The following DDC variants were observed in gnomAD, a reference collection of about 807,000 sequenced individuals.
The protein encoded by DDC is dopa decarboxylase.
DDC carries 43 observed loss-of-function variants against 60.0 expected under a neutral mutation model. The ratio of observed to expected loss-of-function variants is 0.72; its 90% CI spans 0.56 to 0.92. The LOEUF (loss-of-function observed/expected upper bound fraction) is 0.92. Among genes scored for constraint, DDC ranks in the 40% least tolerant of loss-of-function variants. The probability of loss-of-function intolerance (pLI) is 0.00; values close to 1 mark genes in which losing one functional copy is unlikely to be tolerated. For synonymous variants in DDC, 232 were observed against 234.6 expected, an observed-to-expected ratio of 0.99 and a Z score of 0.10; for missense variants, 573 against 620.2, an observed-to-expected ratio of 0.92 and a Z score of 0.81.
intron 12 of DDC, among the ~76,000 whole-genome samples, chr7:50,467,566 A>G (rs1331612649): frequency 6.6e-6 from 1 of 152,168 alleles, no homozygotes; most frequent in Non-Finnish European, 1.5e-5. Flanking sequence ...GACTATTCTT[A>G]TCCCACCCAA....
chr7:50,534,862 G>A (rs566334111), intron 4 of DDC, among the ~76,000 whole-genome samples: 1 of 152,296 alleles, frequency 6.6e-6, no homozygotes, highest in East Asian at 1.9e-4. Context: ...AGGCCAGAAA[G>A]CCATCTGGCC....
chr7:50,462,504 C>A (rs1255181498), intron 14 of DDC, among the ~76,000 whole-genome samples: 1 of 152,162 alleles, frequency 6.6e-6, no homozygotes, highest in African/African-American at 2.4e-5. Flanking sequence ...ATCCTTTCTT[C>A]AAACCATCAA....
At chr7:50,557,128 A>G (rs1585293976) in intron 1 of DDC, among the ~76,000 whole-genome samples, 1 of 152,158 alleles carries the variant, frequency 6.6e-6, no homozygotes, top group African/African-American at 2.4e-5. Context: ...ATTTTCTACA[A>G]CAAACAAAGA....
At chr7:50,540,597 G>A (rs1326326254) in intron 2 of DDC, among the ~76,000 whole-genome samples, 2 of 152,076 alleles carry the variant, frequency 1.3e-5, no homozygotes, top group Non-Finnish European at 2.9e-5. Context: ...AGGAGCTGAG[G>A]CCTTCCCTCC....
chr7:50,487,342 T>C (rs1220413125), intron 9 of DDC, among the ~76,000 whole-genome samples: 3 of 152,162 alleles, frequency 2.0e-5, no homozygotes, highest in Non-Finnish European at 4.4e-5. Flanking sequence ...AATTAAGTAA[T>C]CCTTGATTTT....
chr7:50,564,540 A>T (rs1430966656), intron 1 of DDC, among the ~76,000 whole-genome samples: 2 of 152,254 alleles, frequency 1.3e-5, no homozygotes, highest in Admixed American at 1.3e-4. Context: ...TAACTCACGC[A>T]TGATGGAGAG....
At chr7:50,458,898 G>GTCCCTCTCCCTC (rs966392429) in intron 14 of DDC, 55 bp from the exon 15 acceptor site, 2 of 149,200 alleles carry the variant, frequency 1.3e-5, no homozygotes, top group Admixed American at 6.6e-5. Flanking sequence ...AAATAAAGAA[G>GTCCCTCTCCCTC]TCCCTCTCCC....
intron 4 of DDC, among the ~76,000 whole-genome samples, chr7:50,533,267 T>G (rs1335546972): frequency 6.6e-6 from 1 of 151,870 alleles, no homozygotes; most frequent in African/African-American, 2.4e-5. Context: ...ATTTTTACCA[T>G]GAATGTCCAG....
chr7:50,483,754 A>G (rs2042820656), intron 9 of DDC, among the ~76,000 whole-genome samples: 1 of 152,116 alleles, frequency 6.6e-6, no homozygotes, highest in Non-Finnish European at 1.5e-5. Flanking sequence ...TACAAAAAAA[A>G]TTAGCTGGGC....
rs1342381564 is a variant in DDC, at chr7:50,459,897, C to T, written c.*19-1054G>A. Among the ~76,000 whole-genome samples the T allele has an allele frequency of 5.1e-4, 70 of 137,532 alleles. 2 individuals are homozygous for T. Among genetic ancestry groups the T allele is most frequent in the African/African-American group, 8.9e-4 (30 of 33,646 alleles). The allele number at this position is 137,532 out of a possible 152,430, so 90.2% of individuals were successfully genotyped here. Reference sequence around the variant, plus strand: ...GAGGGAGGTGGGGGGGTCAGCCCCCCGCCCGGCCAGCCGCCCCATCCAGGA... The same window carrying T: ...GAGGGAGGTGGGGGGGTCAGCCCCCTGCCCGGCCAGCCGCCCCATCCAGGA... On this transcript the variant is annotated intron_variant, in intron 14 of 14. Transcript: ENST00000444124.
At chr7:50,548,142 A>G (rs4585697) in intron 1 of DDC, among the ~76,000 whole-genome samples, 27,663 of 152,164 alleles carry the variant, frequency 0.18, 2,872 homozygotes, top group Admixed American at 0.3. Context: ...CCACTGACCC[A>G]TTATTCGCCT....
intron 9 of DDC, among the ~76,000 whole-genome samples, chr7:50,483,625 A>G (rs1175395625): frequency 2.0e-5 from 3 of 152,100 alleles, no homozygotes; most frequent in African/African-American, 4.8e-5. Flanking sequence ...ATTTCTGGCC[A>G]TGTGCAGTGG....
chr7:50,469,141 T>G (rs576057901), intron 12 of DDC, among the ~76,000 whole-genome samples: 1 of 151,042 alleles, frequency 6.6e-6, no homozygotes, highest in East Asian at 1.9e-4. Context: ...AGACAAGGTT[T>G]CACTATGTTG....
Position 50,539,953 on chromosome 7 carries a change from T to C in DDC, c.277A>G (p.Met93Val), listed in dbSNP as rs1190938278. The change falls in exon 3 of 15, where the codon ATG (methionine) becomes GTG (valine). Residue 93 changes from methionine to valine, a missense_variant. Met to Val is a conservative substitution (Grantham distance 21, BLOSUM62 1). Coordinates refer to ENST00000444124, the MANE Select transcript of DDC (RefSeq NM_001082971.2). ...ATGCAGCCAATGGCCCCGCACAGCA[T>C]GTCCGCAAGCATGGCCGGGTACGAG... ...ASSYPAMLADMLCGAIGCIGF... is the reference protein window; with the variant it reads ...ASSYPAMLADVLCGAIGCIGF... 6.2e-7 allele frequency: 1 copy of C among 1,614,014 alleles called. No homozygotes were observed. The highest frequency in any genetic ancestry group is 8.5e-7 in the Non-Finnish European group (1 of 1,179,972).
chr7:50,483,346 A>G (rs905229973), intron 9 of DDC, among the ~76,000 whole-genome samples: 6 of 152,204 alleles, frequency 3.9e-5, no homozygotes, highest in Non-Finnish European at 7.3e-5. Context: ...TCCAGATTAA[A>G]CACAGTTTGG....
rs890370970 is a variant in DDC, at chr7:50,547,506, C to T, written c.-28-3393G>A. On this transcript the variant is annotated intron_variant, in intron 1 of 14. Transcript: ENST00000444124. ...TGCTGGGATTGCAGGCATGAGCCAC[C>T]GCACCTGCCCGATAAATACTTTTCT... 1.7e-4 allele frequency among the ~76,000 whole-genome samples: 26 copies of T among 152,226 alleles called. No homozygotes were observed. The East Asian group carries it at 2.9e-3, about 17-fold the overall frequency.
In DDC at chr7:50,540,128, A is replaced by G; in HGVS notation, c.202-100T>C. On this transcript the variant is annotated intron_variant, in intron 2 of 14. Coordinates refer to ENST00000444124, the MANE Select transcript of DDC (RefSeq NM_001082971.2). ...CCCATGGCTCCCAGCTGCCAGATGCAGCCAGACCCAGAGTTAGGTGAGTGC... is the reference window on the plus strand; with the variant it reads ...CCCATGGCTCCCAGCTGCCAGATGCGGCCAGACCCAGAGTTAGGTGAGTGC... The G allele has an allele frequency of 4.8e-6, 4 of 841,266 alleles. No individual in the cohort carries two copies. The South Asian group carries it at 5.8e-5, about 12-fold the overall frequency. The allele number at this position is 841,266 out of a possible 1,614,324, so 52.1% of individuals were successfully genotyped here. A position where few individuals can be genotyped will look rare whatever the true frequency, so the allele number is the denominator to read the frequency against.
At chr7:50,497,498 C>T (rs1218665337) in intron 8 of DDC, among the ~76,000 whole-genome samples, 1 of 152,200 alleles carries the variant, frequency 6.6e-6, no homozygotes, top group Non-Finnish European at 1.5e-5. Flanking sequence ...TCCCAGAGGA[C>T]TGCTTAGCCC....
chr7:50,514,932 CT>C (rs1262726654), intron 6 of DDC, among the ~76,000 whole-genome samples: 2 of 152,012 alleles, frequency 1.3e-5, no homozygotes, highest in African/African-American at 4.8e-5. Context: ...TATGTTGAAC[CT>C]AAGAATAATC....
Sources: allele counts gnomAD v4.1 joint callset (sites outside exome capture counted in the v4.1 genomes callset), GRCh38; gene constraint gnomAD v4.1.1; transcripts MANE v1.5; gene names NCBI Gene and HGNC (gene_info 2026-07-23, HGNC 2026-07-21).